Variants in NPAS2 observed in about 807,000 individuals in gnomAD.
The protein encoded by NPAS2 is neuronal PAS domain protein 2, also known as neuronal PAS domain-containing protein 2.
NPAS2 carries 23 observed loss-of-function variants against 107.5 expected under a neutral mutation model. The observed-to-expected ratio is 0.21, with a 90% CI of 0.15 to 0.30. The LOEUF (loss-of-function observed/expected upper bound fraction) is 0.30. Among genes scored for constraint, NPAS2 ranks in the 10% least tolerant of loss-of-function variants. The probability of loss-of-function intolerance (pLI) is 1.00; values close to 1 mark genes in which losing one functional copy is unlikely to be tolerated. For synonymous variants in NPAS2, 403 were observed against 417.5 expected, an observed-to-expected ratio of 0.97 and a Z score of 0.42; for missense variants, 756 against 1,043.3, an observed-to-expected ratio of 0.72 and a Z score of 3.79.
chr2:100,861,518 G>A (rs1413780704), intron 1 of NPAS2, among the ~76,000 whole-genome samples: 1 of 152,166 alleles, frequency 6.6e-6, no homozygotes, highest in South Asian at 2.1e-4. Flanking sequence ...AGGGAAGATG[G>A]AAGGTTCTGA....
intron 1 of NPAS2, among the ~76,000 whole-genome samples, chr2:100,895,909 C>A (rs1373500717): frequency 6.6e-6 from 1 of 152,168 alleles, no homozygotes; most frequent in East Asian, 1.9e-4. Context: ...CCCCAGAGTC[C>A]ATTTCTGTTT....
At chr2:100,829,192 T>G (rs201814716) in intron 1 of NPAS2, among the ~76,000 whole-genome samples, 43,918 of 150,654 alleles carry the variant, frequency 0.29, 9,385 homozygotes, top group African/African-American at 0.61. Context: ...TGTTGTTTTT[T>G]TTTTTTTTTT....
rs141560119 is a variant in NPAS2, at chr2:100,902,601, G to A, written c.-22-2132G>A. On this transcript the variant is annotated intron_variant, in intron 1 of 20. Coordinates refer to ENST00000335681, the MANE Select transcript of NPAS2 (RefSeq NM_002518.4). ...TTGTTGAATGAATAGTTTATGCTTT[G>A]CAAGGGCAAAGAGATCTGGAATGGA... Among the ~76,000 whole-genome samples, 647 of 152,324 alleles carry A rather than the reference G, an allele frequency of 4.2e-3. 5 individuals carry two copies. Among genetic ancestry groups the A allele is most frequent in the Non-Finnish European group, 5.8e-3 (393 of 68,032 alleles).
chr2:100,822,063 T>C (rs1272668165), intron 1 of NPAS2, among the ~76,000 whole-genome samples: 1 of 152,246 alleles, frequency 6.6e-6, no homozygotes, highest in Non-Finnish European at 1.5e-5. Flanking sequence ...TTTAGCCGTT[T>C]TCTTCTTGGA....
At chr2:100,957,442 A>G (rs889854748) in intron 7 of NPAS2, among the ~76,000 whole-genome samples, 4 of 152,248 alleles carry the variant, frequency 2.6e-5, no homozygotes, top group Admixed American at 1.3e-4. Flanking sequence ...ATTTAGGGCT[A>G]TGTTTGCTTG....
At chr2:100,955,074 C>T (rs577927735) in intron 7 of NPAS2, among the ~76,000 whole-genome samples, 5 of 152,098 alleles carry the variant, frequency 3.3e-5, no homozygotes, top group African/African-American at 9.6e-5. Flanking sequence ...GATGGGGTTT[C>T]GTCATGTTTG....
intron 1 of NPAS2, among the ~76,000 whole-genome samples, chr2:100,861,778 A>C (rs1183631201): frequency 6.6e-6 from 1 of 152,136 alleles, no homozygotes; most frequent in African/African-American, 2.4e-5. Context: ...GATGCTTGGC[A>C]TTTTCACAAC....
intron 7 of NPAS2, among the ~76,000 whole-genome samples, chr2:100,963,599 A>G (rs1483797712): frequency 6.6e-6 from 1 of 152,114 alleles, no homozygotes; most frequent in Non-Finnish European, 1.5e-5. Context: ...GTTTTTTAGT[A>G]GAGATGGGGT....
At chr2:100,838,921 A>G (rs552386098) in intron 1 of NPAS2, among the ~76,000 whole-genome samples, 2 of 152,280 alleles carry the variant, frequency 1.3e-5, no homozygotes, top group African/African-American at 4.8e-5. Context: ...CCCTTGAACA[A>G]CAGAGGTTTG....
At chr2:100,875,989 T>A (rs1347387727) in intron 1 of NPAS2, among the ~76,000 whole-genome samples, 2 of 152,200 alleles carry the variant, frequency 1.3e-5, no homozygotes, top group Admixed American at 1.3e-4. Context: ...TCTTAAGCTA[T>A]TTTTAGCCTC....
At chr2:100,830,880 G>T (rs187117461) in intron 1 of NPAS2, among the ~76,000 whole-genome samples, 1 of 152,184 alleles carries the variant, frequency 6.6e-6, no homozygotes, top group South Asian at 2.1e-4. Context: ...ATCACTGCCT[G>T]TTGACAAAGT....
In NPAS2 at chr2:100,936,552, A is replaced by G. The variant is rs985559958; in HGVS notation, c.274-1201A>G. Reference sequence around the variant, plus strand: ...CTCCTCCCCCTCACTGGCACACCCTAGACAGCCAGTTGCCACTGTGATCCT... The same window carrying G: ...CTCCTCCCCCTCACTGGCACACCCTGGACAGCCAGTTGCCACTGTGATCCT... On this transcript the variant is annotated intron_variant, in intron 4 of 20. Coordinates refer to ENST00000335681, the MANE Select transcript of NPAS2 (RefSeq NM_002518.4). 4.1e-4 allele frequency among the ~76,000 whole-genome samples: 62 copies of G among 152,206 alleles called. 1 individual carries two copies. The highest frequency in any genetic ancestry group is 1.4e-3 in the African/African-American group (60 of 41,446).
At chr2:100,845,899 G>A (rs1292855764) in intron 1 of NPAS2, among the ~76,000 whole-genome samples, 1 of 152,196 alleles carries the variant, frequency 6.6e-6, no homozygotes, top group Non-Finnish European at 1.5e-5. Flanking sequence ...CCATGGCAGA[G>A]GGTTTTCTGG....
intron 2 of NPAS2, among the ~76,000 whole-genome samples, chr2:100,923,659 G>A (rs888562747): frequency 6.6e-6 from 1 of 152,266 alleles, no homozygotes; most frequent in Non-Finnish European, 1.5e-5. Context: ...AAGGTGCCTG[G>A]AAAAGCAGCA....
intron 14 of NPAS2, 47 bp from the exon 15 acceptor site, chr2:100,977,663 C>T (rs771504424): frequency 1.3e-6 from 2 of 1,535,478 alleles, no homozygotes; most frequent in African/African-American, 2.7e-5. Flanking sequence ...TCCCTGTCCC[C>T]TGGAATGGCA....
intron 14 of NPAS2, 31 bp from the exon 15 acceptor site, chr2:100,977,679 A>T: frequency 6.3e-7 from 1 of 1,581,482 alleles, no homozygotes; most frequent in South Asian, 1.1e-5. Flanking sequence ...TGGCAGAAGC[A>T]GTGGTAACAA....
rs558135846 is a variant in NPAS2 at position 100,954,239 on chromosome 2, G to A, written c.598+4759G>A. 7.2e-5 allele frequency among the ~76,000 whole-genome samples: 11 copies of A among 152,280 alleles called. No individual in the cohort carries two copies. In the South Asian group the frequency reaches 2.3e-3, roughly 32 times the overall value. ...GACCTGGTTGGGGTGTGAGCTTTAG[G>A]TGCGTTGCTTTGCATACGAAAGGTA... On this transcript the variant is annotated intron_variant, in intron 7 of 20. Transcript: ENST00000335681.
chr2:100,907,831 G>A (rs4851379), intron 2 of NPAS2, among the ~76,000 whole-genome samples: 15,366 of 152,134 alleles, frequency 0.1, 909 homozygotes, highest in East Asian at 0.26. Flanking sequence ...TATTAATTGA[G>A]TGTCTATTGT....
chr2:100,828,705 C>T lies in NPAS2; in HGVS notation c.-23+8291C>T, dbSNP rs112783917. Among the ~76,000 whole-genome samples, 528 of 152,222 alleles carry T rather than the reference C, an allele frequency of 3.5e-3. 4 individuals carry two copies. The highest frequency in any genetic ancestry group is 5.8e-3 in the Non-Finnish European group (397 of 68,004). ...AACTTTGTTGATGCTCAGATGGCTG[C>T]AGGTGTGTGGCTTTATTTCTGAGTC... On this transcript the variant is annotated intron_variant, in intron 1 of 20. Coordinates refer to ENST00000335681, the MANE Select transcript of NPAS2 (RefSeq NM_002518.4).
Sources: gnomAD v4.1 joint callset for allele counts (sites outside exome capture counted in the v4.1 genomes callset) on GRCh38, gnomAD v4.1.1 for gene constraint, MANE v1.5 for transcripts, NCBI Gene and HGNC (gene_info 2026-07-23, HGNC 2026-07-21) for gene names.